The following STK31 variants were observed in gnomAD, a reference collection of about 807,000 sequenced individuals.
The protein encoded by STK31 is serine/threonine-protein kinase 31.
In STK31, 89 loss-of-function variants were observed where a neutral mutation model predicts 129.7. That is an observed-to-expected ratio of 0.69 (90% CI 0.58 to 0.82). The LOEUF is 0.82. Among genes scored for constraint, STK31 ranks in the 40% least tolerant of loss-of-function variants. STK31 has a pLI of 0.00. For missense variants in STK31, 1,187 were observed against 1,176.4 expected, an observed-to-expected ratio of 1.01 and a Z score of -0.13; for synonymous variants, 448 against 395.3, an observed-to-expected ratio of 1.13 and a Z score of -1.58.
intron 22 of STK31, among the ~76,000 whole-genome samples, chr7:23,800,117 C>T (rs938646541): frequency 2.6e-5 from 4 of 152,110 alleles, no homozygotes; most frequent in Non-Finnish European, 2.9e-5. Flanking sequence ...GAAATAGGAA[C>T]GCTTTACATT....
intron 23 of STK31, among the ~76,000 whole-genome samples, chr7:23,822,453 A>G (rs1793839995): frequency 6.6e-6 from 1 of 152,178 alleles, no homozygotes; most frequent in Non-Finnish European, 1.5e-5. Context: ...ATTGGTTTAT[A>G]GAAATGCTAC....
intron 16 of STK31, among the ~76,000 whole-genome samples, 157 bp from the exon 17 acceptor site, chr7:23,783,426 T>A (rs1456811399): frequency 6.6e-6 from 1 of 152,238 alleles, no homozygotes; most frequent in Non-Finnish European, 1.5e-5. Flanking sequence ...GTCGTGGTTT[T>A]CACTTGTTAT....
At chr7:23,819,668 C>A (rs909939296) in intron 23 of STK31, among the ~76,000 whole-genome samples, 2 of 151,386 alleles carry the variant, frequency 1.3e-5, no homozygotes, top group Non-Finnish European at 2.9e-5. Flanking sequence ...CTTGCCTTGG[C>A]CTCCCAAAGT....
chr7:23,713,326 C>T (rs1039536914), intron 3 of STK31, among the ~76,000 whole-genome samples: 5 of 152,144 alleles, frequency 3.3e-5, no homozygotes, highest in African/African-American at 9.7e-5. Context: ...GTATAGGGCA[C>T]TCACCATGAA....
At chr7:23,817,248 G>A (rs769734573) in intron 23 of STK31, among the ~76,000 whole-genome samples, 1 of 152,022 alleles carries the variant, frequency 6.6e-6, no homozygotes, top group Non-Finnish European at 1.5e-5. Context: ...TGCCTTGCTA[G>A]GCATGCAGCT....
At chr7:23,752,674 T>C in intron 8 of STK31, 43 bp from the exon 9 acceptor site, 1 of 1,384,828 alleles carries the variant, frequency 7.2e-7, no homozygotes, top group Non-Finnish European at 1.0e-6. Flanking sequence ...AAATACAGTT[T>C]CCTATTTGGG....
At chr7:23,817,878 C>CT (rs199730174) in intron 23 of STK31, among the ~76,000 whole-genome samples, 65 of 151,902 alleles carry the variant, frequency 4.3e-4, no homozygotes, top group Admixed American at 2.4e-3. Context: ...AGTCTTCTCT[C>CT]TTTTTTTTCT....
At chr7:23,830,590 T>TG (rs1794482094) in intron 23 of STK31, among the ~76,000 whole-genome samples, 26 of 88,184 alleles carry the variant, frequency 2.9e-4, no homozygotes, top group South Asian at 1.0e-3. Context: ...TTAATTTCCA[T>TG]GTTGTGTGTG....
At chr7:23,826,813 T>A (rs1408447162) in intron 23 of STK31, among the ~76,000 whole-genome samples, 1 of 152,208 alleles carries the variant, frequency 6.6e-6, no homozygotes, top group Non-Finnish European at 1.5e-5. Context: ...TCTCAGCATT[T>A]GCTTGTCTGT....
At chr7:23,827,304 T>A (rs1794222076) in intron 23 of STK31, among the ~76,000 whole-genome samples, 1 of 152,184 alleles carries the variant, frequency 6.6e-6, no homozygotes, top group African/African-American at 2.4e-5. Context: ...TTCTTTTTAT[T>A]CTTTTTTCTC....
chr7:23,782,033 A>G (rs1287634836), intron 16 of STK31, among the ~76,000 whole-genome samples: 3 of 152,200 alleles, frequency 2.0e-5, no homozygotes, highest in Admixed American at 6.5e-5. Flanking sequence ...GAGAAGTTAC[A>G]TCTTTTAAGT....
chr7:23,758,396 T>A (rs1789242719), intron 10 of STK31, among the ~76,000 whole-genome samples: 1 of 152,096 alleles, frequency 6.6e-6, no homozygotes, highest in South Asian at 2.1e-4. Flanking sequence ...GTTTTGTTAC[T>A]TTTTTTAAAA....
rs375689467 is a variant in STK31 at position 23,716,125 on chromosome 7, G to T, written c.151-1356G>T. ...AATACAGAATCCCAAATTGTATTTAGTTGTGTATCCTTGGTTTCCTTTAAC... is the reference window on the plus strand; with the variant it reads ...AATACAGAATCCCAAATTGTATTTATTTGTGTATCCTTGGTTTCCTTTAAC... On this transcript the variant is annotated intron_variant, in intron 3 of 23. Coordinates refer to ENST00000355870, the MANE Select transcript of STK31 (RefSeq NM_031414.5). 1.8e-4 allele frequency among the ~76,000 whole-genome samples: 28 copies of T among 152,228 alleles called. No homozygotes were observed. In the East Asian group the frequency reaches 5.4e-3, roughly 29 times the overall value.
At chr7:23,832,104 C>A in intron 23 of STK31, 32 bp from the exon 24 acceptor site, 1 of 1,505,916 alleles carries the variant, frequency 6.6e-7, no homozygotes, top group Non-Finnish European at 9.2e-7. Context: ...CCTTTTGTTC[C>A]TTTGTTTTGT....
intron 23 of STK31, among the ~76,000 whole-genome samples, chr7:23,824,868 G>T (rs1373532873): frequency 6.6e-6 from 1 of 151,626 alleles, no homozygotes; most frequent in African/African-American, 2.4e-5. Context: ...TGTGGTTTTT[G>T]TCTTTGGTTC....
intron 4 of STK31, among the ~76,000 whole-genome samples, chr7:23,720,290 G>T (rs1786613146): frequency 1.3e-5 from 2 of 152,128 alleles, no homozygotes; most frequent in African/African-American, 4.8e-5. Context: ...ATACTAGAAA[G>T]ATCCAAAGCA....
At chr7:23,754,547 A>T (rs1000658637) in intron 10 of STK31, 73 bp downstream of exon 10, 6 of 1,411,572 alleles carry the variant, frequency 4.3e-6, no homozygotes, top group African/African-American at 2.9e-5. Flanking sequence ...AATTTCTTCT[A>T]AAAAAAATAA....
chr7:23,730,881 T>A (rs867766213), intron 6 of STK31, among the ~76,000 whole-genome samples: 8,014 of 65,516 alleles, frequency 0.12, 266 homozygotes, highest in East Asian at 0.27. Flanking sequence ...TATATATATT[T>A]TTTTTTTTTT....
chr7:23,827,500 T>A (rs1314839935), intron 23 of STK31, among the ~76,000 whole-genome samples: 1 of 152,102 alleles, frequency 6.6e-6, no homozygotes, highest in Non-Finnish European at 1.5e-5. Context: ...CCATTTGTCT[T>A]ATTTTTTTCA....
Sources: allele counts gnomAD v4.1 joint callset (sites outside exome capture counted in the v4.1 genomes callset), GRCh38; gene constraint gnomAD v4.1.1; transcripts MANE v1.5; gene names NCBI Gene and HGNC (gene_info 2026-07-23, HGNC 2026-07-21).